The following STOX1 variants were observed in gnomAD, a reference collection of about 807,000 sequenced individuals.
The protein encoded by STOX1 is storkhead-box protein 1.
A neutral mutation model predicts 74.8 loss-of-function variants in STOX1; 57 were observed. That is an observed-to-expected ratio of 0.76 (90% confidence interval 0.62 to 0.95). STOX1 has a LOEUF of 0.95. STOX1 is among the 40% of genes least tolerant of loss of function. The pLI is 0.00. For missense variants in STOX1, 1,010 were observed against 1,117.0 expected (o/e 0.90, Z 1.37); for synonymous variants, 375 against 401.3 (o/e 0.93, Z 0.78).
Position 68,884,929 on chromosome 10 carries a change from C to A in STOX1, c.1133C>A (p.Thr378Asn), listed in dbSNP as rs1467025301. 1 of 1,614,134 alleles carries A rather than the reference C, an allele frequency of 6.2e-7. No homozygotes were observed. Among genetic ancestry groups the A allele is most frequent in the South Asian group, 1.1e-5 (1 of 91,076 alleles). The change falls in exon 3 of 4, where the codon ACT (threonine) becomes AAT (asparagine). Residue 378 changes from threonine to asparagine, a missense_variant. Thr to Asn is a moderately conservative substitution (Grantham distance 65, BLOSUM62 0). Coordinates refer to ENST00000298596, the MANE Select transcript of STOX1 (RefSeq NM_152709.5). Reference sequence around the variant, plus strand: ...ACTGTTGACAATTTAATCAAACACACTGTCCTAATGCAAAAATACGAAGAA... The same window carrying A: ...ACTGTTGACAATTTAATCAAACACAATGTCCTAATGCAAAAATACGAAGAA... ...ILTVDNLIKH[T>N]VLMQKYEEQK...
chr10:68,830,273 C>T (rs1003952277), intron 1 of STOX1, among the ~76,000 whole-genome samples: 14 of 152,206 alleles, frequency 9.2e-5, no homozygotes, highest in African/African-American at 2.6e-4. Context: ...GGACTTCCGC[C>T]GGCTCATCAC....
At chr10:68,854,580 G>A (rs1296635227) in intron 1 of STOX1, among the ~76,000 whole-genome samples, 1 of 152,076 alleles carries the variant, frequency 6.6e-6, no homozygotes, top group Non-Finnish European at 1.5e-5. Flanking sequence ...TTACAGGTGT[G>A]AGCCACTCCA....
At chr10:68,846,403 G>C (rs1012894878) in intron 1 of STOX1, among the ~76,000 whole-genome samples, 9 of 151,960 alleles carry the variant, frequency 5.9e-5, no homozygotes, top group Non-Finnish European at 8.8e-5. Flanking sequence ...ACCTGCCCCG[G>C]CCCCCCAAAG....
chr10:68,872,535 C>T (rs1439135317), intron 1 of STOX1, among the ~76,000 whole-genome samples: 4 of 151,832 alleles, frequency 2.6e-5, no homozygotes, highest in Admixed American at 1.3e-4. Context: ...TTAGTAGAGA[C>T]GAGGTTTCAC....
chr10:68,834,643 A>G (rs906998511), intron 1 of STOX1, among the ~76,000 whole-genome samples: 55 of 152,228 alleles, frequency 3.6e-4, no homozygotes, highest in African/African-American at 1.3e-3. Context: ...GAACATTACC[A>G]TTACCCCAGA....
chr10:68,846,991 A>G (rs1839872247), intron 1 of STOX1: 1 of 152,336 alleles, frequency 6.6e-6, no homozygotes, highest in South Asian at 2.1e-4. Flanking sequence ...CTCCTGAGCT[A>G]TGGAAGCAGT....
At chr10:68,839,461 A>C (rs1839640120) in intron 1 of STOX1, among the ~76,000 whole-genome samples, 2 of 151,206 alleles carry the variant, frequency 1.3e-5, no homozygotes, top group South Asian at 4.2e-4. Flanking sequence ...GGGCTCAAGC[A>C]ATCCTCCCAC....
chr10:68,866,123 T>C (rs919829196), intron 1 of STOX1, among the ~76,000 whole-genome samples: 1 of 152,102 alleles, frequency 6.6e-6, no homozygotes, highest in Non-Finnish European at 1.5e-5. Context: ...GAATTAAAAC[T>C]TGTGCTCCCT....
intron 1 of STOX1, chr10:68,828,338 G>A: frequency 9.4e-7 from 1 of 1,067,136 alleles, no homozygotes; most frequent in Non-Finnish European, 1.2e-6. Context: ...GCGCTGCAGG[G>A]GCGAGCGCGG....
In STOX1 at chr10:68,885,452, T is replaced by C. The variant is rs749496391; in HGVS notation, c.1656T>C (p.Ala552=). The part of the protein sequence containing the change: ...IFDGKAKEPY[A]EQPNDKMEAE... ...ATGGTAAAGCCAAAGAGCCATATGC[T>C]GAACAACCTAATGATAAAATGGAAG... Residue 552 remains alanine (A), a synonymous_variant, in exon 3 of 4, where the codon GCT becomes GCC. Transcript: ENST00000298596. 7 of 1,614,046 alleles carry C rather than the reference T, an allele frequency of 4.3e-6. No homozygotes were observed. The East Asian group carries it at 1.6e-4, about 36-fold the overall frequency.
chr10:68,884,976 G>A lies in STOX1; in HGVS notation c.1180G>A (p.Gly394Ser). The change falls in exon 3 of 4, where the codon GGC becomes AGC. Residue 394 changes from glycine (G) to serine (S), a missense_variant. By Grantham distance (56) the Gly-to-Ser change is moderately conservative. Coordinates refer to ENST00000298596, the MANE Select transcript of STOX1 (RefSeq NM_152709.5). ...YEEQKKYNSQ[G>S]TSTDMLTIGH... is the part of the protein sequence containing the mutation. ...AGAACAGAAAAAATATAATAGCCAG[G>A]GCACTTCCACTGACATGCTGACAAT... The A allele has an allele frequency of 6.2e-7, 1 of 1,614,082 alleles. No individual in the cohort carries two copies. Among genetic ancestry groups the A allele is most frequent in the Non-Finnish European group, 8.5e-7 (1 of 1,180,030 alleles).
At chr10:68,843,678 C>A (rs1395858237) in intron 1 of STOX1, among the ~76,000 whole-genome samples, 1 of 152,052 alleles carries the variant, frequency 6.6e-6, no homozygotes, top group Non-Finnish European at 1.5e-5. Flanking sequence ...CTACCTCAGC[C>A]TCCAAAGTAG....
rs143224491 is a variant in STOX1 at position 68,872,468 on chromosome 10, C to T, written c.311-9490C>T. 2.6e-3 allele frequency among the ~76,000 whole-genome samples: 394 copies of T among 151,780 alleles called. 2 individuals are homozygous for T. Among genetic ancestry groups the T allele is most frequent in the African/African-American group, 9.3e-3 (384 of 41,324 alleles). ...TCAAGTGATTCTCCTGCTTCAGCCTCCAGTGTGGCTGGGATCACAGGCACC... is the reference window on the plus strand; with the variant it reads ...TCAAGTGATTCTCCTGCTTCAGCCTTCAGTGTGGCTGGGATCACAGGCACC... On this transcript the variant is annotated intron_variant, in intron 1 of 3. Transcript: ENST00000298596.
At chr10:68,891,201 G>A (rs1021522494) in intron 3 of STOX1, among the ~76,000 whole-genome samples, 2 of 152,116 alleles carry the variant, frequency 1.3e-5, no homozygotes, top group Non-Finnish European at 2.9e-5. Context: ...GGCATTTAGA[G>A]GAAAGGGAAA....
At chr10:68,839,828 T>TG (rs1839649392) in intron 1 of STOX1, among the ~76,000 whole-genome samples, 1 of 152,130 alleles carries the variant, frequency 6.6e-6, no homozygotes, top group African/African-American at 2.4e-5. Context: ...AGGCAGATGT[T>TG]GCAGTGAGCC....
chr10:68,831,015 C>T (rs532713765), intron 1 of STOX1, among the ~76,000 whole-genome samples: 6 of 152,236 alleles, frequency 3.9e-5, no homozygotes, highest in Admixed American at 6.6e-5. Flanking sequence ...AAGTTTGTGT[C>T]GGCTTGCTCT....
chr10:68,848,627 C>A (rs978876755), intron 1 of STOX1, among the ~76,000 whole-genome samples: 1 of 152,088 alleles, frequency 6.6e-6, no homozygotes, highest in Non-Finnish European at 1.5e-5. Context: ...GGAGAGGGCC[C>A]AGCACACAGT....
intron 1 of STOX1, among the ~76,000 whole-genome samples, chr10:68,877,503 G>A (rs1275844250): frequency 6.6e-6 from 1 of 152,130 alleles, no homozygotes; most frequent in Non-Finnish European, 1.5e-5. Context: ...GATACAGGAA[G>A]CCCTTTGCAC....
At chr10:68,891,945 T>C (rs1251844493) in intron 3 of STOX1, among the ~76,000 whole-genome samples, 1 of 151,952 alleles carries the variant, frequency 6.6e-6, no homozygotes, top group Non-Finnish European at 1.5e-5. Context: ...CTCAGTCTCA[T>C]GAGTAGCTGA....
Sources: allele counts gnomAD v4.1 joint callset (sites outside exome capture counted in the v4.1 genomes callset), GRCh38; gene constraint gnomAD v4.1.1; transcripts MANE v1.5; gene names NCBI Gene and HGNC (gene_info 2026-07-23, HGNC 2026-07-21).